Variants in DSCAM observed in about 807,000 individuals in gnomAD.
The protein encoded by DSCAM is DS cell adhesion molecule, also known as cell adhesion molecule DSCAM.
In DSCAM, 47 loss-of-function variants were observed where a neutral mutation model predicts 217.7. That is an observed-to-expected ratio of 0.22 (90% CI 0.17 to 0.28). DSCAM has a LOEUF of 0.28. Among genes scored for constraint, DSCAM ranks in the 10% least tolerant of loss-of-function variants. DSCAM has a pLI of 1.00. For missense variants in DSCAM, 2,080 were observed against 2,618.3 expected (o/e 0.79, Z 4.49); for synonymous variants, 1,056 against 1,015.3 (o/e 1.04, Z -0.76).
At chr21:40,177,360 C>G (rs1411855833) in intron 15 of DSCAM, among the ~76,000 whole-genome samples, 3 of 152,140 alleles carry the variant, frequency 2.0e-5, no homozygotes, top group African/African-American at 7.2e-5. Context: ...AGAAATCATA[C>G]AGAGAATCCA....
At chr21:40,453,821 G>A (rs1213757585) in intron 3 of DSCAM, among the ~76,000 whole-genome samples, 1 of 152,218 alleles carries the variant, frequency 6.6e-6, no homozygotes, top group Non-Finnish European at 1.5e-5. Context: ...CTCAGGAGAT[G>A]AACTAATTAG....
chr21:40,152,250 G>T (rs986877552), intron 16 of DSCAM, among the ~76,000 whole-genome samples: 1 of 152,196 alleles, frequency 6.6e-6, no homozygotes, highest in African/African-American at 2.4e-5. Flanking sequence ...AGAAATCCTT[G>T]AGGACGTATT....
intron 3 of DSCAM, among the ~76,000 whole-genome samples, chr21:40,505,948 T>C (rs2076207056): frequency 6.6e-6 from 1 of 152,206 alleles, no homozygotes; most frequent in Non-Finnish European, 1.5e-5. Flanking sequence ...CTGACTCATT[T>C]TCATTCAAGA....
Position 40,332,333 on chromosome 21 carries a change from C to T in DSCAM, c.1783+5768G>A, listed in dbSNP as rs576762147. On this transcript the variant is annotated intron_variant, in intron 8 of 32. Coordinates refer to ENST00000400454, the MANE Select transcript of DSCAM (RefSeq NM_001389.5). ...GGTTGTGTTGGAATCAAAACATCTG[C>T]GTTTGAGTCTTGAATGTATTACTGG... is the stretch of plus-strand genomic sequence containing the variant. Among the ~76,000 whole-genome samples, 20 of 152,250 alleles carry T rather than the reference C, an allele frequency of 1.3e-4. No homozygotes were observed. The South Asian group carries it at 2.9e-3, about 22-fold the overall frequency.
rs1030904062 is a variant in DSCAM at position 40,400,205 on chromosome 21, G to C, written c.509-30960C>G. Among the ~76,000 whole-genome samples, 13 of 152,118 alleles carry C rather than the reference G, an allele frequency of 8.5e-5. 1 individual carries two copies. The highest frequency in any genetic ancestry group is 3.1e-4 in the African/African-American group (13 of 41,482). On this transcript the variant is annotated intron_variant, in intron 3 of 32. Transcript: ENST00000400454. Reference sequence around the variant, plus strand: ...TGTGATTTGTAGCTATTTATATTTAGTGTGGTAGAAATCTTAAAAGATTTT... The same window carrying C: ...TGTGATTTGTAGCTATTTATATTTACTGTGGTAGAAATCTTAAAAGATTTT...
chr21:40,306,809 A>G (rs2074082231), intron 9 of DSCAM, among the ~76,000 whole-genome samples: 1 of 150,326 alleles, frequency 6.7e-6, no homozygotes, highest in Admixed American at 6.7e-5. Flanking sequence ...ATCATGGTGG[A>G]TAAGCTTTTT....
At chr21:40,223,343 G>A (rs1238793924) in intron 11 of DSCAM, among the ~76,000 whole-genome samples, 1 of 152,188 alleles carries the variant, frequency 6.6e-6, no homozygotes, top group African/African-American at 2.4e-5. Context: ...TCTGAGCCAC[G>A]TTGAACTTGC....
chr21:40,515,924 C>T (rs117324891), intron 3 of DSCAM, among the ~76,000 whole-genome samples: 146 of 152,096 alleles, frequency 9.6e-4, no homozygotes, highest in Middle Eastern at 3.4e-3. Flanking sequence ...TTAAAGGACT[C>T]TACAAAACTT....
chr21:40,821,650 A>G (rs1361816035), intron 1 of DSCAM, among the ~76,000 whole-genome samples: 1 of 152,106 alleles, frequency 6.6e-6, no homozygotes, highest in Non-Finnish European at 1.5e-5. Context: ...ATTCCGTGGT[A>G]TATATATACC....
At chr21:40,135,500 C>T (rs529044896) in intron 18 of DSCAM, among the ~76,000 whole-genome samples, 10 of 152,306 alleles carry the variant, frequency 6.6e-5, no homozygotes, top group Non-Finnish European at 1.0e-4. Flanking sequence ...GCACAGGCCG[C>T]GGATCTCAGC....
chr21:40,073,061 A>G (rs560747614), intron 27 of DSCAM, among the ~76,000 whole-genome samples: 1 of 152,332 alleles, frequency 6.6e-6, no homozygotes, highest in African/African-American at 2.4e-5. Flanking sequence ...TACAGGGTGC[A>G]TGGGTCATCA....
chr21:40,116,512 A>T (rs1027222012), intron 20 of DSCAM, among the ~76,000 whole-genome samples: 7 of 152,050 alleles, frequency 4.6e-5, no homozygotes, highest in African/African-American at 1.7e-4. Context: ...CCATGACAGG[A>T]TGCTGGGGCT....
At chr21:40,239,477 G>A (rs888660469) in intron 11 of DSCAM, among the ~76,000 whole-genome samples, 2 of 152,036 alleles carry the variant, frequency 1.3e-5, no homozygotes, top group African/African-American at 4.8e-5. Flanking sequence ...TGAAAGAAGA[G>A]GCTCCTTCTA....
intron 11 of DSCAM, among the ~76,000 whole-genome samples, chr21:40,254,220 C>T (rs188050665): frequency 5.8e-4 from 88 of 152,266 alleles, no homozygotes; most frequent in African/African-American, 2.1e-3. Flanking sequence ...CTTTGTTTTG[C>T]ATGATCTCCT....
chr21:40,632,037 C>T (rs1033658663), intron 3 of DSCAM, among the ~76,000 whole-genome samples: 2 of 152,194 alleles, frequency 1.3e-5, no homozygotes, highest in Non-Finnish European at 2.9e-5. Flanking sequence ...TTGAACAGCA[C>T]GCGTCCACGC....
chr21:40,533,752 T>TCCAC (rs2076473964), intron 3 of DSCAM, among the ~76,000 whole-genome samples: 1 of 128,196 alleles, frequency 7.8e-6, no homozygotes, highest in African/African-American at 2.9e-5. Flanking sequence ...CATCCACCCA[T>TCCAC]CCATCCATCC....
chr21:40,586,255 G>A lies in DSCAM; in HGVS notation c.508+106555C>T, dbSNP rs114661753. Among the ~76,000 whole-genome samples the A allele has an allele frequency of 3.9e-3, 598 of 152,330 alleles. 3 individuals are homozygous for A. Among genetic ancestry groups the A allele is most frequent in the African/African-American group, 0.013 (550 of 41,578 alleles). On this transcript the variant is annotated intron_variant, in intron 3 of 32. Transcript: ENST00000400454. The stretch of plus-strand genomic sequence containing the variant: ...AAGCAGCCTGAAGCCCACACCAAAA[G>A]CAGATGCTGGCACCATGCTTCTTGT...
intron 3 of DSCAM, among the ~76,000 whole-genome samples, chr21:40,426,867 T>C (rs2145886799): frequency 6.6e-6 from 1 of 152,304 alleles, no homozygotes; most frequent in East Asian, 1.9e-4. Context: ...AACCGTCATC[T>C]TGGCTCACAT....
chr21:40,810,951 A>G (rs986005150), intron 1 of DSCAM, among the ~76,000 whole-genome samples: 1 of 152,174 alleles, frequency 6.6e-6, no homozygotes, highest in Admixed American at 6.5e-5. Flanking sequence ...ACTTGGGGTC[A>G]TTGTATGTTT....
Sources: gnomAD v4.1 joint callset for allele counts (sites outside exome capture counted in the v4.1 genomes callset) on GRCh38, gnomAD v4.1.1 for gene constraint, MANE v1.5 for transcripts, NCBI Gene and HGNC (gene_info 2026-07-23, HGNC 2026-07-21) for gene names.